The following STXBP5L variants were observed in gnomAD, a reference collection of about 807,000 sequenced individuals.
STXBP5L encodes syntaxin binding protein 5L, also known as syntaxin-binding protein 5-like.
In STXBP5L, 65 loss-of-function variants were observed where a neutral mutation model predicts 144.5. That is an observed-to-expected ratio of 0.45 (90% CI 0.37 to 0.55). The LOEUF (loss-of-function observed/expected upper bound fraction) is 0.55. Among genes scored for constraint, STXBP5L ranks in the 20% least tolerant of loss-of-function variants. The probability of loss-of-function intolerance (pLI) is 0.00; values close to 1 mark genes in which losing one functional copy is unlikely to be tolerated. For synonymous variants in STXBP5L, 505 were observed against 469.6 expected (o/e 1.08, Z -0.97); for missense variants, 1,298 against 1,405.5 (o/e 0.92, Z 1.22).
chr3:121,299,301 T>C (rs182934266), intron 19 of STXBP5L, among the ~76,000 whole-genome samples: 11 of 152,218 alleles, frequency 7.2e-5, no homozygotes, highest in Non-Finnish European at 1.3e-4. Flanking sequence ...CCTTGAGGAG[T>C]TTCATATTCA....
chr3:121,026,955 T>C (rs1945993816), intron 3 of STXBP5L, among the ~76,000 whole-genome samples: 1 of 151,938 alleles, frequency 6.6e-6, no homozygotes, highest in Non-Finnish European at 1.5e-5. Context: ...CAAGGGAAGC[T>C]CTGAGTAGAC....
chr3:121,378,667 A>G (rs903405585), intron 20 of STXBP5L, 49 bp from the exon 21 acceptor site: 2 of 1,580,468 alleles, frequency 1.3e-6, no homozygotes, highest in Non-Finnish European at 1.7e-6. Flanking sequence ...ATTCCTTTGT[A>G]TTAAGAGTTA....
At chr3:120,998,332 C>T (rs1576614063) in intron 3 of STXBP5L, among the ~76,000 whole-genome samples, 3 of 152,182 alleles carry the variant, frequency 2.0e-5, no homozygotes, top group East Asian at 3.9e-4. Flanking sequence ...CCCAGGAAAC[C>T]CTGTAATCTG....
intron 3 of STXBP5L, among the ~76,000 whole-genome samples, chr3:121,032,424 TA>T (rs1016290429): frequency 1.4e-4 from 21 of 152,260 alleles, no homozygotes; most frequent in African/African-American, 5.1e-4. Context: ...TTCGTGACCT[TA>T]TTAGCCACTA....
intron 19 of STXBP5L, among the ~76,000 whole-genome samples, chr3:121,312,294 A>G (rs2043559286): frequency 6.6e-6 from 1 of 151,448 alleles, no homozygotes; most frequent in Non-Finnish European, 1.5e-5. Flanking sequence ...CAAGGACTTC[A>G]TGTCTAAAAC....
chr3:121,294,417 A>G (rs545681006), intron 19 of STXBP5L, among the ~76,000 whole-genome samples: 2 of 152,320 alleles, frequency 1.3e-5, no homozygotes, highest in African/African-American at 2.4e-5. Context: ...GGTAGGAAAT[A>G]AAGAGTTCAG....
intron 14 of STXBP5L, among the ~76,000 whole-genome samples, chr3:121,246,463 A>G (rs1025694864): frequency 2.0e-5 from 3 of 152,230 alleles, no homozygotes; most frequent in African/African-American, 7.2e-5. Flanking sequence ...TATTCTGTAT[A>G]TTAAATCTAT....
At chr3:121,107,001 T>C (rs958331837) in intron 5 of STXBP5L, among the ~76,000 whole-genome samples, 10 of 152,202 alleles carry the variant, frequency 6.6e-5, no homozygotes, top group African/African-American at 2.4e-4. Context: ...TCAGTGATAT[T>C]GAACTTTTTT....
chr3:121,081,714 G>T (rs1053707038), intron 5 of STXBP5L, among the ~76,000 whole-genome samples: 1 of 152,174 alleles, frequency 6.6e-6, no homozygotes, highest in Non-Finnish European at 1.5e-5. Flanking sequence ...CTAGGCACTG[G>T]TTGTAGCTAA....
At chr3:121,153,878 G>T (rs6781645) in intron 8 of STXBP5L, among the ~76,000 whole-genome samples, 15,096 of 151,866 alleles carry the variant, frequency 0.099, 1,186 homozygotes, top group Admixed American at 0.2. Context: ...TAAGCTAGGA[G>T]TTTCCTTTTG....
chr3:121,080,576 A>T (rs1039623727), intron 5 of STXBP5L, among the ~76,000 whole-genome samples: 5 of 152,180 alleles, frequency 3.3e-5, no homozygotes, highest in African/African-American at 7.2e-5. Context: ...TCCTTCATTC[A>T]TGAAGCTTAA....
chr3:121,334,602 G>A (rs1473932763), intron 20 of STXBP5L, among the ~76,000 whole-genome samples: 3 of 151,738 alleles, frequency 2.0e-5, no homozygotes, highest in Non-Finnish European at 4.4e-5. Context: ...AAAAATACGT[G>A]CAAATCAAAT....
intron 5 of STXBP5L, among the ~76,000 whole-genome samples, chr3:121,056,862 TATATC>T (rs1430781169): frequency 1.3e-5 from 2 of 151,636 alleles, no homozygotes; most frequent in African/African-American, 2.4e-5. Flanking sequence ...TATTTTTACA[TATATC>T]ATATATAGAG....
chr3:121,157,236 G>C (rs575467946), intron 8 of STXBP5L, among the ~76,000 whole-genome samples: 1 of 152,150 alleles, frequency 6.6e-6, no homozygotes, highest in South Asian at 2.1e-4. Flanking sequence ...GAAATAATGT[G>C]TATAAAATGC....
intron 4 of STXBP5L, among the ~76,000 whole-genome samples, chr3:121,041,997 G>T (rs114640440): frequency 6.6e-6 from 1 of 151,974 alleles, no homozygotes; most frequent in Non-Finnish European, 1.5e-5. Flanking sequence ...TTCTGTTATT[G>T]TTACTATATA....
Position 121,029,498 on chromosome 3 carries a change from A to C in STXBP5L, c.288-12202A>C, listed in dbSNP as rs560730145. 2.6e-5 allele frequency among the ~76,000 whole-genome samples: 4 copies of C among 152,220 alleles called. No homozygotes were observed. The East Asian group carries it at 7.7e-4, about 29-fold the overall frequency. On this transcript the variant is annotated intron_variant, in intron 3 of 26. Coordinates refer to ENST00000471454, the MANE Select transcript of STXBP5L (RefSeq NM_001308330.2). ...GCCATATGCAGAAAAGTGAAACTGG[A>C]CCCTTTCCTTACACCTTATACAACA...
chr3:120,984,300 T>A (rs911353524), intron 3 of STXBP5L, among the ~76,000 whole-genome samples: 1 of 152,246 alleles, frequency 6.6e-6, no homozygotes, highest in Non-Finnish European at 1.5e-5. Flanking sequence ...CTTGATTTTA[T>A]GGACGCAGAT....
intron 10 of STXBP5L, among the ~76,000 whole-genome samples, chr3:121,206,807 C>CTA (rs1349439451): frequency 6.6e-6 from 1 of 152,096 alleles, no homozygotes; most frequent in Non-Finnish European, 1.5e-5. Flanking sequence ...GAGCGAGACT[C>CTA]TGTCTCAAAA....
intron 3 of STXBP5L, among the ~76,000 whole-genome samples, chr3:121,032,474 G>T (rs1330447515): frequency 6.6e-6 from 1 of 151,950 alleles, no homozygotes; most frequent in Non-Finnish European, 1.5e-5. Context: ...AACCCTAGAA[G>T]AAAACCTAGG....
Sources: allele counts gnomAD v4.1 joint callset (sites outside exome capture counted in the v4.1 genomes callset), GRCh38; gene constraint gnomAD v4.1.1; transcripts MANE v1.5; gene names NCBI Gene and HGNC (gene_info 2026-07-23, HGNC 2026-07-21).